Variants in CFAP77 observed in about 807,000 individuals in gnomAD.
CFAP77 encodes cilia- and flagella-associated protein 77.
CFAP77 carries 25 observed loss-of-function variants against 31.1 expected under a neutral mutation model. The ratio of observed to expected loss-of-function variants is 0.80; its 90% CI spans 0.59 to 1.12. The LOEUF (loss-of-function observed/expected upper bound fraction) is 1.12. CFAP77 is among the 50% of genes most tolerant of loss of function. The pLI is 0.00. For synonymous variants in CFAP77, 151 were observed against 159.9 expected (o/e 0.94, Z 0.42); for missense variants, 377 against 397.3 (o/e 0.95, Z 0.44).
intron 1 of CFAP77, among the ~76,000 whole-genome samples, chr9:132,446,338 C>T (rs1210323114): frequency 3.9e-5 from 6 of 152,142 alleles, no homozygotes; most frequent in East Asian, 1.9e-4. Flanking sequence ...TCTGGTCATG[C>T]GTGGTCCTGG....
intron 5 of CFAP77, among the ~76,000 whole-genome samples, chr9:132,569,105 C>T (rs887422167): frequency 6.6e-6 from 1 of 152,142 alleles, no homozygotes; most frequent in Non-Finnish European, 1.5e-5. Context: ...TTAGGTAGAT[C>T]AATCATACCT....
At chr9:132,487,111 A>G (rs900685080) in intron 1 of CFAP77, among the ~76,000 whole-genome samples, 1 of 152,248 alleles carries the variant, frequency 6.6e-6, no homozygotes, top group Non-Finnish European at 1.5e-5. Flanking sequence ...GAGCTGCTAT[A>G]GCAGTCTTAA....
At chr9:132,525,939 G>C (rs906436432) in intron 3 of CFAP77, among the ~76,000 whole-genome samples, 3 of 152,174 alleles carry the variant, frequency 2.0e-5, no homozygotes, top group African/African-American at 7.2e-5. Context: ...GGTATGGATG[G>C]AATTGGATGT....
chr9:132,535,877 C>A (rs915912725), intron 3 of CFAP77, among the ~76,000 whole-genome samples: 3 of 152,018 alleles, frequency 2.0e-5, no homozygotes, highest in African/African-American at 4.8e-5. Context: ...AGCAAAAAAA[C>A]CATTTTTTAT....
chr9:132,522,944 T>C (rs934461979), intron 3 of CFAP77, among the ~76,000 whole-genome samples: 3 of 152,182 alleles, frequency 2.0e-5, no homozygotes, highest in African/African-American at 7.2e-5. Context: ...TTTTCTTTCC[T>C]TTTTTTCCTC....
intron 5 of CFAP77, among the ~76,000 whole-genome samples, chr9:132,572,013 A>G (rs1829964950): frequency 6.6e-6 from 1 of 152,020 alleles, no homozygotes; most frequent in East Asian, 1.9e-4. Flanking sequence ...GGGAGTGCAG[A>G]CAGGGTCAGG....
intron 1 of CFAP77, among the ~76,000 whole-genome samples, chr9:132,469,663 TA>T (rs907132912): frequency 6.5e-4 from 98 of 151,586 alleles, no homozygotes; most frequent in African/African-American, 2.1e-3. Context: ...CCCACCTTTT[TA>T]AAAAAAAACT....
Position 132,572,818 on chromosome 9 carries a change from C to T in CFAP77, c.*308C>T, listed in dbSNP as rs1829978782. The T allele has an allele frequency of 1.0e-5, 4 of 389,896 alleles. No individual in the cohort carries two copies. In the East Asian group the frequency reaches 1.7e-4, roughly 17 times the overall value. The allele number at this position is 389,896 out of a possible 1,614,324, so 24.2% of individuals were successfully genotyped here. Reference sequence around the variant, plus strand: ...CACCTGCCAAGACAAGCCCAAATTACAAGACAATTTTTTAGACTCCAGGCT... The same window carrying T: ...CACCTGCCAAGACAAGCCCAAATTATAAGACAATTTTTTAGACTCCAGGCT... On this transcript the variant is annotated 3_prime_UTR_variant, in exon 6 of 6. Coordinates refer to ENST00000393216, the MANE Select transcript of CFAP77 (RefSeq NM_001282957.2).
intron 3 of CFAP77, among the ~76,000 whole-genome samples, chr9:132,509,396 C>T (rs17149204): frequency 0.12 from 17,669 of 152,140 alleles, 1,134 homozygotes; most frequent in African/African-American, 0.17. Context: ...GAACTGAGTC[C>T]GACAGGGGTC....
Position 132,455,289 on chromosome 9 carries a change from C to A in CFAP77, c.196-43406C>A, listed in dbSNP as rs930026469. 6.6e-6 allele frequency among the ~76,000 whole-genome samples: 1 copy of A among 152,050 alleles called. No individual in the cohort carries two copies. The highest frequency in any genetic ancestry group is 1.5e-5 in the Non-Finnish European group (1 of 68,000). On this transcript the variant is annotated intron_variant, in intron 1 of 5. Transcript: ENST00000393216. The surrounding 1 kb of genome is among the most constrained non-coding windows in gnomAD (Gnocchi z 4.1). Reference sequence around the variant, plus strand: ...TGGGAGGCCGAGGCGGGTGGATCACCTGAGGTCAGGAGTTCGAGATCAGCC... The same window carrying A: ...TGGGAGGCCGAGGCGGGTGGATCACATGAGGTCAGGAGTTCGAGATCAGCC...
At chr9:132,434,996 G>A (rs932884691) in intron 1 of CFAP77, among the ~76,000 whole-genome samples, 4 of 152,174 alleles carry the variant, frequency 2.6e-5, no homozygotes, top group African/African-American at 4.8e-5. Flanking sequence ...CCAATATTAC[G>A]CTTGAATTAT....
At chr9:132,534,045 C>T (rs117817697) in intron 3 of CFAP77, among the ~76,000 whole-genome samples, 9 of 152,196 alleles carry the variant, frequency 5.9e-5, no homozygotes, top group Non-Finnish European at 1.0e-4. Context: ...TTGTCACTGT[C>T]AGTGATGTCA....
At chr9:132,551,922 C>T (rs940483323) in intron 5 of CFAP77, among the ~76,000 whole-genome samples, 4 of 152,222 alleles carry the variant, frequency 2.6e-5, no homozygotes, top group South Asian at 2.1e-4. Flanking sequence ...TCCAGAGTGT[C>T]GTGGCCGGGC....
intron 3 of CFAP77, among the ~76,000 whole-genome samples, chr9:132,532,975 T>C (rs1852482267): frequency 6.6e-6 from 1 of 152,210 alleles, no homozygotes; most frequent in Non-Finnish European, 1.5e-5. Flanking sequence ...ATAAAAGCTG[T>C]GGATTCTCTC....
At chr9:132,446,495 C>G (rs1020537876) in intron 1 of CFAP77, among the ~76,000 whole-genome samples, 1 of 152,060 alleles carries the variant, frequency 6.6e-6, no homozygotes, top group Non-Finnish European at 1.5e-5. Flanking sequence ...AATCCCAGCA[C>G]TTTGGGAGGC....
chr9:132,417,699 G>C (rs952532865), intron 1 of CFAP77, among the ~76,000 whole-genome samples: 1 of 152,244 alleles, frequency 6.6e-6, no homozygotes, highest in South Asian at 2.1e-4. Context: ...GACAGTGCAG[G>C]CAGGGTCTGG....
intron 4 of CFAP77, among the ~76,000 whole-genome samples, chr9:132,538,514 G>A (rs1029693184): frequency 2.6e-5 from 4 of 152,194 alleles, no homozygotes; most frequent in Admixed American, 6.5e-5. Flanking sequence ...GGCCGGGCGC[G>A]GTGGCTCACG....
In CFAP77 at chr9:132,424,609, T is replaced by G. The variant is rs975115703; in HGVS notation, c.195+14143T>G. 1.3e-5 allele frequency among the ~76,000 whole-genome samples: 2 copies of G among 151,704 alleles called. No homozygotes were observed. The highest frequency in any genetic ancestry group is 4.8e-5 in the African/African-American group (2 of 41,256). On this transcript the variant is annotated intron_variant, in intron 1 of 5. Coordinates refer to ENST00000393216, the MANE Select transcript of CFAP77 (RefSeq NM_001282957.2). The surrounding 1 kb of genome is among the most constrained non-coding windows in gnomAD (Gnocchi z 4.1). The stretch of plus-strand genomic sequence containing the variant: ...CTACCAAGAAGGCGGCAGAGGGAGG[T>G]TCCTGGGAAAGGGATGCTGGGATCA...
In CFAP77 at chr9:132,533,321, C is replaced by T. The variant is rs371032784; in HGVS notation, c.525-4280C>T. Among the ~76,000 whole-genome samples the T allele has an allele frequency of 2.6e-5, 4 of 152,190 alleles. No individual in the cohort carries two copies. The East Asian group carries it at 5.8e-4, about 22-fold the overall frequency. ...GTTTCCCAGTGTGTAGGCTGAGGAA[C>T]CCCTGTGTACGAGTGTCCTGTGGCC... On this transcript the variant is annotated intron_variant, in intron 3 of 5. Transcript: ENST00000393216.
Sources: gnomAD v4.1 joint callset for allele counts (sites outside exome capture counted in the v4.1 genomes callset) on GRCh38, gnomAD v4.1.1 for gene constraint, Gnocchi (gnomAD v3.1) non-coding constraint, MANE v1.5 for transcripts, NCBI Gene and HGNC (gene_info 2026-07-23, HGNC 2026-07-21) for gene names.